The following TSGA13 variants were observed in gnomAD, a reference collection of about 807,000 sequenced individuals.
The protein encoded by TSGA13 is testis-specific gene 13 protein.
Under a neutral mutation model 35.1 loss-of-function variants are expected in TSGA13, and 37 were observed. The ratio of observed to expected loss-of-function variants is 1.05; its 90% CI spans 0.81 to 1.39. The LOEUF is 1.39. TSGA13 is among the 40% of genes most tolerant of loss of function. TSGA13 has a pLI of 0.00. For missense variants in TSGA13, 338 were observed against 328.5 expected (o/e 1.03, Z -0.22); for synonymous variants, 124 against 121.2 (o/e 1.02, Z -0.15).
At chr7:130,678,090 C>T (rs1796453479) in intron 5 of TSGA13, among the ~76,000 whole-genome samples, 1 of 151,932 alleles carries the variant, frequency 6.6e-6, no homozygotes, top group South Asian at 2.1e-4. Flanking sequence ...GATTTGGCTA[C>T]TGTGTAGGCC....
Position 130,668,815 on chromosome 7 carries a change from C to G in TSGA13, c.*199G>C. On this transcript the variant is annotated 3_prime_UTR_variant, in exon 8 of 8. Transcript: ENST00000356588. ...CACTCGGGGCCAAGGCCCGCCCTCCCCGGCCGCCCTCGGCCCCCGGGACGC... is the reference window on the plus strand; with the variant it reads ...CACTCGGGGCCAAGGCCCGCCCTCCGCGGCCGCCCTCGGCCCCCGGGACGC... 7.8e-7 allele frequency: 1 copy of G among 1,276,776 alleles called. No homozygotes were observed. Among genetic ancestry groups the G allele is most frequent in the Non-Finnish European group, 1.0e-6 (1 of 954,326 alleles). 79.1% of individuals were successfully genotyped at this position (1,276,776 alleles called of 1,614,324 possible).
In TSGA13 at chr7:130,679,379, G is replaced by T. The variant is rs1554464722; in HGVS notation, c.175-12C>A. The T allele has an allele frequency of 6.3e-7, 1 of 1,596,796 alleles. No homozygotes were observed. Among genetic ancestry groups the T allele is most frequent in the South Asian group, 1.1e-5 (1 of 89,180 alleles). On this transcript the variant is annotated splice_polypyrimidine_tract_variant and intron_variant, in intron 4 of 7. Coordinates refer to ENST00000356588, the MANE Select transcript of TSGA13 (RefSeq NM_052933.4). ...TTATAGTACTGGGCCTGAACAGACA[G>T]AAAGGTTTCCAGAGAGAAAAAGAGA... is the stretch of plus-strand genomic sequence containing the variant.
intron 1 of TSGA13, 120 bp from the exon 2 acceptor site, chr7:130,685,480 A>G: frequency 1.1e-6 from 1 of 944,608 alleles, no homozygotes; most frequent in Non-Finnish European, 1.4e-6. Context: ...GGTGGGAGAA[A>G]GCGATTATCC....
chr7:130,673,121 T>G (rs1369871290), intron 5 of TSGA13, among the ~76,000 whole-genome samples: 1 of 152,226 alleles, frequency 6.6e-6, no homozygotes, highest in Non-Finnish European at 1.5e-5. Context: ...TTGATTAAAT[T>G]TGCCTACTGG....
chr7:130,686,627 C>T (rs1413969475), upstream of TSGA13: 3 of 148,896 alleles, frequency 2.0e-5, no homozygotes, highest in Non-Finnish European at 4.4e-5. Flanking sequence ...AATGAAAAGG[C>T]CAAAACTTAA....
chr7:130,676,809 C>A (rs1381733944), intron 5 of TSGA13, among the ~76,000 whole-genome samples: 5 of 152,166 alleles, frequency 3.3e-5, no homozygotes, highest in African/African-American at 1.2e-4. Context: ...CCTTTGTTTG[C>A]ACTTTCACTT....
At position 130,685,234 on chromosome 7, in the gene TSGA13, A is replaced by T; in HGVS notation, c.-24T>A. 6.2e-7 allele frequency: 1 copy of T among 1,612,642 alleles called. No individual in the cohort carries two copies. The highest frequency in any genetic ancestry group is 1.1e-5 in the South Asian group (1 of 91,038). On this transcript the variant is annotated 5_prime_UTR_variant, in exon 2 of 8. The change creates a new upstream start codon in the 5' untranslated region. Transcript: ENST00000356588. ...ATTGCTGTTGACTGCTAGTTGGCCAACCCAAGGCAGGTATTCACCCAAGGC... is the reference window on the plus strand; with the variant it reads ...ATTGCTGTTGACTGCTAGTTGGCCATCCCAAGGCAGGTATTCACCCAAGGC...
chr7:130,681,737 C>T (rs1796551646), intron 3 of TSGA13, among the ~76,000 whole-genome samples: 1 of 152,012 alleles, frequency 6.6e-6, no homozygotes. Context: ...GGAGCTGAGC[C>T]TTTTCCATTC....
chr7:130,669,655 G>A (rs868944006), intron 7 of TSGA13, among the ~76,000 whole-genome samples: 1 of 152,166 alleles, frequency 6.6e-6, no homozygotes, highest in Admixed American at 6.5e-5. Context: ...CAAAATTAGA[G>A]AAATTCTAAC....
intron 5 of TSGA13, 23 bp from the exon 6 acceptor site, chr7:130,672,899 G>C: frequency 1.2e-6 from 2 of 1,608,482 alleles, no homozygotes; most frequent in Non-Finnish European, 1.7e-6. Context: ...GAGGGAAGAA[G>C]AGTGAGGGAG....
At chr7:130,684,676 T>C (rs1232451351) in intron 2 of TSGA13, among the ~76,000 whole-genome samples, 1 of 152,162 alleles carries the variant, frequency 6.6e-6, no homozygotes, top group African/African-American at 2.4e-5. Flanking sequence ...ATAGCTACCT[T>C]CCATCTGTTG....
At chr7:130,680,501 A>G (rs1314766464) in intron 4 of TSGA13, among the ~76,000 whole-genome samples, 3 of 128,328 alleles carry the variant, frequency 2.3e-5, no homozygotes, top group Non-Finnish European at 3.6e-5. Flanking sequence ...GCGAGACTCC[A>G]TCTCAGAAAA....
intron 7 of TSGA13, 90 bp downstream of exon 7, chr7:130,671,571 C>G (rs1584630099): frequency 6.7e-6 from 9 of 1,353,202 alleles, no homozygotes; most frequent in Non-Finnish European, 6.8e-6. Flanking sequence ...ACGAGAGAAG[C>G]CAGTTTGCCA....
chr7:130,676,966 C>T (rs1395280939), intron 5 of TSGA13, among the ~76,000 whole-genome samples: 2 of 151,484 alleles, frequency 1.3e-5, no homozygotes, highest in South Asian at 2.1e-4. Flanking sequence ...GATCTCGGCT[C>T]ACTGCGAGCT....
chr7:130,678,682 C>G lies in TSGA13; in HGVS notation c.387+473G>C, dbSNP rs782366319. Among the ~76,000 whole-genome samples, 69 of 152,076 alleles carry G rather than the reference C, an allele frequency of 4.5e-4. 1 individual carries two copies. The highest frequency in any genetic ancestry group is 2.0e-4 in the Admixed American group (3 of 15,260). The stretch of plus-strand genomic sequence containing the variant: ...CCCAAGCTTATTGAATTCTGATTCC[C>G]AGGTTCTCCAGATGCTGTTATGTGA... On this transcript the variant is annotated intron_variant, in intron 5 of 7. Coordinates refer to ENST00000356588, the MANE Select transcript of TSGA13 (RefSeq NM_052933.4).
rs781835483 is a variant in TSGA13, at chr7:130,669,088, C to G, written c.754G>C (p.Ala252Pro). 1.9e-6 allele frequency: 3 copies of G among 1,614,196 alleles called. No homozygotes were observed. The highest frequency in any genetic ancestry group is 1.7e-6 in the Non-Finnish European group (2 of 1,180,034). Residue 252 changes from alanine (A) to proline (P), a missense_variant, in exon 8 of 8, where the codon GCG becomes CCG. Ala to Pro is a conservative substitution (Grantham distance 27). Coordinates refer to ENST00000356588, the MANE Select transcript of TSGA13 (RefSeq NM_052933.4). Reference sequence around the variant, plus strand: ...TTGCGGAAGGCGCTCTCCCCGGGCGCGGTTCTGGTGGGCATGTCTTCCAAG... The same window carrying G: ...TTGCGGAAGGCGCTCTCCCCGGGCGGGGTTCTGGTGGGCATGTCTTCCAAG... The part of the protein sequence containing the change: ...SLLEDMPTRT[A>P]PGESAFRNGR...
chr7:130,685,435 C>T (rs1796638719), intron 1 of TSGA13, 75 bp from the exon 2 acceptor site: 2 of 1,262,894 alleles, frequency 1.6e-6, no homozygotes, highest in African/African-American at 3.0e-5. Context: ...ATGATGCTTG[C>T]TCTTAGAAGT....
rs781947656 is a variant in TSGA13 at position 130,668,671 on chromosome 7, T to G, written c.*343A>C. On this transcript the variant is annotated 3_prime_UTR_variant, in exon 8 of 8. Coordinates refer to ENST00000356588, the MANE Select transcript of TSGA13 (RefSeq NM_052933.4). ...TTCTTGTCGAATTTTTTAATCATCT[T>G]GGACGACTTCCCAGCGCCCAGACCC... 9.1e-6 allele frequency: 14 copies of G among 1,540,748 alleles called. No homozygotes were observed. The highest frequency in any genetic ancestry group is 9.6e-6 in the Non-Finnish European group (11 of 1,145,524).
At chr7:130,684,269 C>T (rs1309422351) in intron 2 of TSGA13, among the ~76,000 whole-genome samples, 5 of 152,184 alleles carry the variant, frequency 3.3e-5, no homozygotes, top group Non-Finnish European at 7.3e-5. Flanking sequence ...AAATAATCAA[C>T]AATGGCAAAT....
Sources: allele counts gnomAD v4.1 joint callset (sites outside exome capture counted in the v4.1 genomes callset), GRCh38; gene constraint gnomAD v4.1.1; transcripts MANE v1.5; gene names NCBI Gene and HGNC (gene_info 2026-07-23, HGNC 2026-07-21).